The following AP1S3 variants were observed in gnomAD, a reference collection of about 807,000 sequenced individuals.
The protein encoded by AP1S3 is adaptor related protein complex 1 subunit sigma 3, also known as AP-1 complex subunit sigma-3.
Under a neutral mutation model 20.9 loss-of-function variants are expected in AP1S3, and 10 were observed. The observed-to-expected ratio is 0.48, with a 90% CI of 0.29 to 0.81. The LOEUF is 0.81. Ranked by LOEUF, AP1S3 falls within the 30% of genes least tolerant of loss-of-function variation. AP1S3 has a pLI of 0.08. For missense variants in AP1S3, 154 were observed against 183.8 expected, an observed-to-expected ratio of 0.84 and a Z score of 0.94; for synonymous variants, 41 against 61.5, an observed-to-expected ratio of 0.67 and a Z score of 1.56.
intron 1 of AP1S3, among the ~76,000 whole-genome samples, chr2:223,833,807 C>A (rs1321648363): frequency 6.6e-6 from 1 of 152,250 alleles, no homozygotes; most frequent in African/African-American, 2.4e-5. Context: ...GAAGCGCCTT[C>A]ACACGCATTC....
At chr2:223,809,568 C>T (rs948990170) in intron 1 of AP1S3, among the ~76,000 whole-genome samples, 5 of 151,772 alleles carry the variant, frequency 3.3e-5, no homozygotes, top group Admixed American at 6.6e-5. Context: ...TGCTTGAACC[C>T]GGGAAGTGGA....
At chr2:223,775,843 GAAGT>G (rs1204995931) in intron 3 of AP1S3, 54 bp downstream of exon 3, 8 of 1,306,282 alleles carry the variant, frequency 6.1e-6, no homozygotes, top group Middle Eastern at 1.8e-4. Context: ...AGACAGAACT[GAAGT>G]AAGAGCTGAG....
rs147778193 is a variant in AP1S3 at position 223,817,410 on chromosome 2, A to G, written c.3+20038T>C. On this transcript the variant is annotated intron_variant, in intron 1 of 4. Coordinates refer to ENST00000396654, the MANE Select transcript of AP1S3 (RefSeq NM_001039569.2). The stretch of plus-strand genomic sequence containing the variant: ...GATCACCTGAGGTCGGGAGTTCGAG[A>G]CAAGCCTGACCAACATGGAGAAACC... Among the ~76,000 whole-genome samples the G allele has an allele frequency of 9.1e-3, 1,379 of 152,188 alleles. 36 individuals carry two copies. Among genetic ancestry groups the G allele is most frequent in the African/African-American group, 0.031 (1,303 of 41,506 alleles).
At chr2:223,761,057 G>T (rs1690342602) in intron 4 of AP1S3, among the ~76,000 whole-genome samples, 1 of 152,182 alleles carries the variant, frequency 6.6e-6, no homozygotes, top group Admixed American at 6.5e-5. Flanking sequence ...TGCCCTGTCT[G>T]AGCCGAGCCA....
At position 223,757,006 on chromosome 2, in the gene AP1S3, C is replaced by G. The variant is rs1042864092; in HGVS notation, c.*1709G>C. Reference sequence around the variant, plus strand: ...ACTTTTTCTTTTTTTTTTTTTTTTTCTTGAGACGCAGTCTTGCTCTGTCAC... The same window carrying G: ...ACTTTTTCTTTTTTTTTTTTTTTTTGTTGAGACGCAGTCTTGCTCTGTCAC... On this transcript the variant is annotated 3_prime_UTR_variant, in exon 5 of 5. Transcript: ENST00000396654. 2 of 663,650 alleles carry G rather than the reference C, an allele frequency of 3.0e-6. No individual in the cohort carries two copies. Among genetic ancestry groups the G allele is most frequent in the African/African-American group, 2.6e-5 (1 of 38,552 alleles). The allele number at this position is 663,650 out of a possible 1,614,324, so 41.1% of individuals were successfully genotyped here.
chr2:223,761,258 G>A (rs1384527889), intron 4 of AP1S3, among the ~76,000 whole-genome samples: 1 of 152,160 alleles, frequency 6.6e-6, no homozygotes, highest in Non-Finnish European at 1.5e-5. Context: ...TGTTTCTTAT[G>A]CATATAGCAC....
At chr2:223,820,620 A>G (rs6711768) in intron 1 of AP1S3, among the ~76,000 whole-genome samples, 73,086 of 148,054 alleles carry the variant, frequency 0.49, 18,181 homozygotes, top group Middle Eastern at 0.57. Flanking sequence ...TACTTTATTC[A>G]TATTCTATAT....
chr2:223,756,439 GAAA>G lies in AP1S3; in HGVS notation c.*2273_*2275del, dbSNP rs1559271043. On this transcript the variant is annotated 3_prime_UTR_variant, in exon 5 of 5. Coordinates refer to ENST00000396654, the MANE Select transcript of AP1S3 (RefSeq NM_001039569.2). Reference sequence around the variant, plus strand: ...GGAGAGAGAGAGAAGAAGGAAGGAAGAAAGGAAGGAAAAGAAAGAAAGAAAGAA... The same window carrying G: ...GGAGAGAGAGAGAAGAAGGAAGGAAGGGAAGGAAAAGAAAGAAAGAAAGAA... The G allele has an allele frequency of 1.3e-6, 1 of 771,640 alleles. No individual in the cohort carries two copies. The highest frequency in any genetic ancestry group is 1.5e-6 in the Non-Finnish European group (1 of 660,890). 47.8% of individuals were successfully genotyped at this position (771,640 alleles called of 1,614,324 possible).
intron 1 of AP1S3, among the ~76,000 whole-genome samples, chr2:223,782,248 C>A (rs776513983): frequency 6.6e-6 from 1 of 151,936 alleles, no homozygotes; most frequent in African/African-American, 2.4e-5. Context: ...CCTGACCTCA[C>A]GTGATTGGCC....
At chr2:223,831,661 C>G (rs796075002) in intron 1 of AP1S3, among the ~76,000 whole-genome samples, 7 of 152,166 alleles carry the variant, frequency 4.6e-5, no homozygotes, top group African/African-American at 1.7e-4. Context: ...GAGAAAAAGA[C>G]AGGCCCCAGG....
intron 1 of AP1S3, among the ~76,000 whole-genome samples, chr2:223,813,625 G>A (rs111531887): frequency 1.9e-3 from 296 of 152,306 alleles, no homozygotes; most frequent in Middle Eastern, 6.8e-3. Context: ...CTATAGCCCT[G>A]TTTGGAGAAC....
At chr2:223,762,939 A>G (rs972646801) in intron 4 of AP1S3, among the ~76,000 whole-genome samples, 1 of 152,184 alleles carries the variant, frequency 6.6e-6, no homozygotes, top group Non-Finnish European at 1.5e-5. Flanking sequence ...GACAGGAAAA[A>G]AAAAAAAGCA....
Position 223,770,098 on chromosome 2 carries a change from T to C in AP1S3, c.292-4748A>G, listed in dbSNP as rs965669555. ...TTAGAGGGACATGTAAAAATATGCA[T>C]CATTTTTGCAGTTTTAAACAATAGA... On this transcript the variant is annotated intron_variant, in intron 3 of 4. Coordinates refer to ENST00000396654, the MANE Select transcript of AP1S3 (RefSeq NM_001039569.2). The C allele has an allele frequency of 2.2e-5, 32 of 1,472,200 alleles. No individual in the cohort carries two copies. In the Middle Eastern group the frequency reaches 7.2e-4, roughly 33 times the overall value. 91.2% of individuals were successfully genotyped at this position (1,472,200 alleles called of 1,614,324 possible). A position where few individuals can be genotyped will look rare whatever the true frequency, so the allele number is the denominator to read the frequency against.
intron 1 of AP1S3, among the ~76,000 whole-genome samples, chr2:223,784,179 C>A (rs145679165): frequency 6.6e-6 from 1 of 152,310 alleles, no homozygotes; most frequent in African/African-American, 2.4e-5. Flanking sequence ...CCAAGCTCAG[C>A]TGAATCTCCA....
In AP1S3 at chr2:223,765,346, C is replaced by T. The variant is rs1215480566; in HGVS notation, c.296G>A (p.Cys99Tyr). The T allele has an allele frequency of 1.2e-6, 2 of 1,611,516 alleles. No individual in the cohort carries two copies. Among genetic ancestry groups the T allele is most frequent in the Non-Finnish European group, 1.7e-6 (2 of 1,179,330 alleles). The change falls in exon 4 of 5, where the codon TGT becomes TAT. Residue 99 changes from cysteine to tyrosine, a missense_variant. Transcript: ENST00000396654. ...ELLDKYFGNV[C>Y]ELDIIFNFEK... ...AAAATTAAAGATAATATCCAGCTCACAGACCTGGTGGGACAAAAACAAACG... is the reference window on the plus strand; with the variant it reads ...AAAATTAAAGATAATATCCAGCTCATAGACCTGGTGGGACAAAAACAAACG...
At chr2:223,764,527 C>T (rs1413976324) in intron 4 of AP1S3, among the ~76,000 whole-genome samples, 1 of 152,002 alleles carries the variant, frequency 6.6e-6, no homozygotes, top group East Asian at 1.9e-4. Flanking sequence ...TATAGAAATC[C>T]CAGAGTCCAG....
chr2:223,770,719 A>T, intron 3 of AP1S3, among the ~76,000 whole-genome samples: 1 of 129,190 alleles, frequency 7.7e-6, no homozygotes, highest in Non-Finnish European at 1.5e-5. Flanking sequence ...AGACCCTTAG[A>T]CCAGTTCATT....
intron 4 of AP1S3, among the ~76,000 whole-genome samples, chr2:223,762,831 G>A (rs1429125561): frequency 6.6e-6 from 1 of 151,988 alleles, no homozygotes; most frequent in East Asian, 1.9e-4. Context: ...AAAGTCTTAG[G>A]GGCTACTGAA....
chr2:223,818,833 CA>C (rs1269906738), intron 1 of AP1S3, among the ~76,000 whole-genome samples: 77 of 152,132 alleles, frequency 5.1e-4, no homozygotes, highest in African/African-American at 1.7e-3. Context: ...GGATTACAGG[CA>C]TGAGCCACTG....
Sources: gnomAD v4.1 joint callset for allele counts (sites outside exome capture counted in the v4.1 genomes callset) on GRCh38, gnomAD v4.1.1 for gene constraint, MANE v1.5 for transcripts, NCBI Gene and HGNC (gene_info 2026-07-23, HGNC 2026-07-21) for gene names.